The following LRRC8C variants were observed in gnomAD, a reference collection of about 807,000 sequenced individuals.
LRRC8C encodes leucine rich repeat containing 8 VRAC subunit C.
Under a neutral mutation model 55.3 loss-of-function variants are expected in LRRC8C, and 20 were observed. That is an observed-to-expected ratio of 0.36 (90% CI 0.25 to 0.53). The LOEUF is 0.53. LRRC8C is among the 20% of genes least tolerant of loss of function. The probability of loss-of-function intolerance (pLI) is 0.92; values close to 1 mark genes in which losing one functional copy is unlikely to be tolerated. For missense variants in LRRC8C, 659 were observed against 951.4 expected, an observed-to-expected ratio of 0.69 and a Z score of 4.04; for synonymous variants, 376 against 360.7, an observed-to-expected ratio of 1.04 and a Z score of -0.48.
chr1:89,662,873 G>T (rs1022093419), intron 1 of LRRC8C, among the ~76,000 whole-genome samples: 1 of 152,028 alleles, frequency 6.6e-6, no homozygotes. Flanking sequence ...TGCAGAACCT[G>T]CAGGTTTGTT....
chr1:89,645,379 G>A (rs1191072959), intron 1 of LRRC8C, among the ~76,000 whole-genome samples: 2 of 151,860 alleles, frequency 1.3e-5, no homozygotes, highest in African/African-American at 4.8e-5. Context: ...ATGGCATGTG[G>A]GAAAATGTCA....
At chr1:89,710,396 A>G (rs983123894) in intron 2 of LRRC8C, among the ~76,000 whole-genome samples, 8 of 152,264 alleles carry the variant, frequency 5.3e-5, no homozygotes, top group African/African-American at 1.9e-4. Flanking sequence ...AATAAAAGTG[A>G]AAACTTTTCT....
At chr1:89,644,805 C>T (rs564825833) in intron 1 of LRRC8C, among the ~76,000 whole-genome samples, 1 of 152,316 alleles carries the variant, frequency 6.6e-6, no homozygotes, top group South Asian at 2.1e-4. Context: ...CCATGTAAAC[C>T]TAAACCCCTG....
At chr1:89,688,429 C>G (rs565203289) in intron 2 of LRRC8C, among the ~76,000 whole-genome samples, 5 of 152,120 alleles carry the variant, frequency 3.3e-5, no homozygotes, top group East Asian at 3.9e-4. Context: ...AAGATAAAGG[C>G]AATGGGAAAA....
intron 1 of LRRC8C, among the ~76,000 whole-genome samples, chr1:89,634,936 T>G (rs1254935492): frequency 2.0e-5 from 3 of 152,194 alleles, no homozygotes; most frequent in Non-Finnish European, 4.4e-5. Context: ...ACATAATAGA[T>G]TGGGCACAGA....
chr1:89,700,874 A>G (rs1658298610), intron 2 of LRRC8C, among the ~76,000 whole-genome samples: 2 of 152,258 alleles, frequency 1.3e-5, no homozygotes, highest in Non-Finnish European at 2.9e-5. Context: ...AAAGAATAAG[A>G]CACAATCTAA....
At chr1:89,696,055 G>A (rs1168971602) in intron 2 of LRRC8C, among the ~76,000 whole-genome samples, 1 of 152,166 alleles carries the variant, frequency 6.6e-6, no homozygotes, top group Non-Finnish European at 1.5e-5. Flanking sequence ...TTCATTTGGG[G>A]CATCTTCATA....
rs781768371 is a variant in LRRC8C, at chr1:89,715,048, T to A, written c.*66T>A. Reference sequence around the variant, plus strand: ...AAATACAGTATAAATAATTAGGTAGTCTTAATGCCTTTCCTATTTTTTTTT... The same window carrying A: ...AAATACAGTATAAATAATTAGGTAGACTTAATGCCTTTCCTATTTTTTTTT... On this transcript the variant is annotated 3_prime_UTR_variant, in exon 3 of 3. Coordinates refer to ENST00000370454, the MANE Select transcript of LRRC8C (RefSeq NM_032270.5). 2.0e-4 allele frequency: 208 copies of A among 1,062,578 alleles called. No homozygotes were observed. The highest frequency in any genetic ancestry group is 1.9e-4 in the Non-Finnish European group (145 of 764,486). 65.8% of individuals were successfully genotyped at this position (1,062,578 alleles called of 1,614,324 possible).
chr1:89,685,500 A>G (rs763564064), intron 1 of LRRC8C, among the ~76,000 whole-genome samples: 15 of 151,946 alleles, frequency 9.9e-5, no homozygotes, highest in Non-Finnish European at 2.1e-4. Context: ...TCCTTGCCAT[A>G]AGATAAAGAA....
intron 1 of LRRC8C, among the ~76,000 whole-genome samples, chr1:89,651,246 T>G (rs1210372228): frequency 6.6e-6 from 1 of 152,136 alleles, no homozygotes; most frequent in African/African-American, 2.4e-5. Flanking sequence ...TTTCTATTTT[T>G]AAAGGATTGT....
At chr1:89,621,296 T>TAAAA in the LRRC8C span, among the ~76,000 whole-genome samples, 1,051 of 123,712 alleles carry the variant, frequency 8.5e-3, 13 homozygotes, top group African/African-American at 0.027. Context: ...CCGTCTCTAC[T>TAAAA]AAAAAAAAAA....
At chr1:89,657,949 C>T (rs1168496699) in intron 1 of LRRC8C, among the ~76,000 whole-genome samples, 1 of 152,086 alleles carries the variant, frequency 6.6e-6, no homozygotes, top group East Asian at 1.9e-4. Flanking sequence ...CAGAGGATCT[C>T]AGGAATGAAG....
chr1:89,641,778 A>AAGATTTT (rs1448682072), intron 1 of LRRC8C, among the ~76,000 whole-genome samples: 1 of 152,226 alleles, frequency 6.6e-6, no homozygotes, highest in Non-Finnish European at 1.5e-5. Context: ...TATACCAGGG[A>AAGATTTT]AGATTTTCAA....
Position 89,704,018 on chromosome 1 carries a change from T to C in LRRC8C, c.139-8691T>C, listed in dbSNP as rs576315009. Among the ~76,000 whole-genome samples the C allele has an allele frequency of 5.9e-5, 9 of 152,224 alleles. No homozygotes were observed. In the South Asian group the frequency reaches 1.9e-3, roughly 32 times the overall value. On this transcript the variant is annotated intron_variant, in intron 2 of 2. Transcript: ENST00000370454. ...ATATAACACAAATACCCAAAAAAGC[T>C]GGTAGCGTAATGTTAATATTAGATA...
chr1:89,708,617 C>G (rs1325549979), intron 2 of LRRC8C: 1 of 152,208 alleles, frequency 6.6e-6, no homozygotes, highest in Non-Finnish European at 1.5e-5. Context: ...GAAGAAGAAG[C>G]TGCCTGCCTT....
Position 89,707,451 on chromosome 1 carries a change from C to T in LRRC8C, c.139-5258C>T, listed in dbSNP as rs559002058. On this transcript the variant is annotated intron_variant, in intron 2 of 2. Transcript: ENST00000370454. The stretch of plus-strand genomic sequence containing the variant: ...AACAGATCCAGAGGATATTGGGTCA[C>T]ACCCCAGTCTAATGCCCCCAGCAGG... Among the ~76,000 whole-genome samples, 8 of 152,100 alleles carry T rather than the reference C, an allele frequency of 5.3e-5. No homozygotes were observed. The South Asian group carries it at 1.7e-3, about 32-fold the overall frequency.
chr1:89,663,672 T>A (rs1657179234), intron 1 of LRRC8C, among the ~76,000 whole-genome samples: 1 of 152,200 alleles, frequency 6.6e-6, no homozygotes, highest in Admixed American at 6.5e-5. Context: ...CAAATGGTGT[T>A]TCCAGTTCCA....
At chr1:89,693,593 C>G (rs1319932041) in intron 2 of LRRC8C, among the ~76,000 whole-genome samples, 5 of 147,632 alleles carry the variant, frequency 3.4e-5, no homozygotes, top group Non-Finnish European at 5.9e-5. Context: ...GAAGTGAAGG[C>G]TTAAAATCAA....
At position 89,716,060 on chromosome 1, in the gene LRRC8C, CAAAAA is replaced by C. The variant is rs1203538261; in HGVS notation, c.*1079_*1083del. The C allele has an allele frequency of 6.6e-6, 1 of 152,106 alleles. No individual in the cohort carries two copies. The highest frequency in any genetic ancestry group is 1.5e-5 in the Non-Finnish European group (1 of 68,008). The allele number at this position is 152,106 out of a possible 1,614,324, so 9.4% of individuals were successfully genotyped here. ...CCACCAACTGTAGATGGAAAATACT[CAAAAA>C]GAAAGTTGTGTCTGTACTGAATATG... is the stretch of plus-strand genomic sequence containing the variant. On this transcript the variant is annotated 3_prime_UTR_variant, in exon 3 of 3. Transcript: ENST00000370454.
Sources: gnomAD v4.1 joint callset for allele counts (sites outside exome capture counted in the v4.1 genomes callset) on GRCh38, gnomAD v4.1.1 for gene constraint, MANE v1.5 for transcripts, NCBI Gene and HGNC (gene_info 2026-07-23, HGNC 2026-07-21) for gene names.